Variants in AFF2 observed in about 807,000 individuals in gnomAD.
AFF2 encodes the protein ALF transcription elongation factor 2.
In AFF2, 14 loss-of-function variants were observed where a neutral mutation model predicts 76.9. That is an observed-to-expected ratio of 0.18 (90% CI 0.12 to 0.28). The LOEUF (loss-of-function observed/expected upper bound fraction) is 0.28. Among genes scored for constraint, AFF2 ranks in the 10% least tolerant of loss-of-function variants. AFF2 has a pLI of 1.00. For synonymous variants in AFF2, 398 were observed against 366.7 expected (o/e 1.09, Z -0.98); for missense variants, 868 against 1,001.1 (o/e 0.87, Z 1.79).
intron 4 of AFF2, among the ~76,000 whole-genome samples, chrX:148,818,492 C>G (rs1346618400): frequency 2.7e-5 from 3 of 111,927 alleles, no homozygotes; most frequent in African/African-American, 9.7e-5. Flanking sequence ...TGTGTTCTCC[C>G]TAAGTTAATC....
intron 19 of AFF2, among the ~76,000 whole-genome samples, chrX:148,984,349 C>T (rs1031548814): frequency 1.8e-5 from 2 of 110,854 alleles, no homozygotes; most frequent in Middle Eastern, 4.2e-3. Flanking sequence ...CTTCTGTGTG[C>T]ATGCTCATTT....
chrX:148,937,968 T>C (rs782632039), intron 9 of AFF2, among the ~76,000 whole-genome samples: 34 of 112,485 alleles, frequency 3.0e-4, no homozygotes, highest in African/African-American at 1.0e-3. Context: ...AGCCAAATTA[T>C]AGTCCAAGCA....
chrX:148,788,078 A>G (rs782523147), intron 3 of AFF2, among the ~76,000 whole-genome samples: 1 of 111,780 alleles, frequency 8.9e-6, no homozygotes, highest in Admixed American at 9.5e-5. Flanking sequence ...GTGGATGGCT[A>G]CATTGTCATT....
intron 3 of AFF2, among the ~76,000 whole-genome samples, chrX:148,683,355 C>T (rs1421828162): frequency 3.6e-5 from 4 of 111,844 alleles, no homozygotes; most frequent in Non-Finnish European, 5.6e-5. Context: ...CATATGTGTT[C>T]TTTTCAATTT....
intron 2 of AFF2, 33 bp from the exon 3 acceptor site, chrX:148,661,875 T>A: frequency 8.6e-7 from 1 of 1,157,002 alleles, no homozygotes; most frequent in Non-Finnish European, 1.2e-6. Flanking sequence ...ATTCATTCTC[T>A]CTCCTCCCAC....
intron 1 of AFF2, among the ~76,000 whole-genome samples, chrX:148,545,850 C>T (rs916065425): frequency 1.8e-5 from 2 of 111,177 alleles, no homozygotes; most frequent in East Asian, 2.8e-4. Flanking sequence ...TGAGAATGAG[C>T]GTTTCTAACA....
At chrX:148,938,600 C>T (rs1446069599) in intron 9 of AFF2, among the ~76,000 whole-genome samples, 3 of 112,050 alleles carry the variant, frequency 2.7e-5, no homozygotes, top group African/African-American at 9.7e-5. Context: ...CCTCTTAACA[C>T]AGGATGGCCT....
intron 5 of AFF2, among the ~76,000 whole-genome samples, chrX:148,841,602 G>T (rs2070601265): frequency 8.9e-6 from 1 of 111,915 alleles, no homozygotes; most frequent in African/African-American, 3.2e-5. Flanking sequence ...TATATTAAAT[G>T]ACTGTAGATT....
chrX:148,889,758 G>A (rs955141056), intron 8 of AFF2, among the ~76,000 whole-genome samples: 31 of 111,488 alleles, frequency 2.8e-4, no homozygotes, highest in South Asian at 2.3e-3. Flanking sequence ...ATAGTTACAC[G>A]GACATGGCTT....
In AFF2 at chrX:148,708,727, A is replaced by G. The variant is rs1228374674; in HGVS notation, c.1041+45959A>G. ...AGACTCCGTCTCAAAAACAAAACAA[A>G]ACAAAACAAAATTAGACAAATGCTA... On this transcript the variant is annotated intron_variant, in intron 3 of 20. Coordinates refer to ENST00000370460, the MANE Select transcript of AFF2 (RefSeq NM_002025.4). Among the ~76,000 whole-genome samples the G allele has an allele frequency of 6.2e-5, 7 of 112,467 alleles. No homozygotes were observed. In the Admixed American group the frequency reaches 6.6e-4, roughly 11 times the overall value.
chrX:148,529,439 C>T (rs1341940165), intron 1 of AFF2, among the ~76,000 whole-genome samples: 2 of 112,376 alleles, frequency 1.8e-5, no homozygotes, highest in Non-Finnish European at 3.8e-5. Context: ...AACACAGCTA[C>T]AGCAACTGGC....
At chrX:148,704,272 TTA>T (rs1262204302) in intron 3 of AFF2, among the ~76,000 whole-genome samples, 1 of 79,328 alleles carries the variant, frequency 1.3e-5, no homozygotes, top group African/African-American at 5.2e-5. Context: ...ATATATATAT[TTA>T]TATATATATG....
At chrX:148,562,805 C>T (rs1557240899) in intron 1 of AFF2, among the ~76,000 whole-genome samples, 2 of 111,400 alleles carry the variant, frequency 1.8e-5, no homozygotes. Context: ...AACTGGAGGC[C>T]CTGAACTAGG....
At chrX:148,595,262 A>G (rs2053561769) in intron 1 of AFF2, among the ~76,000 whole-genome samples, 1 of 112,239 alleles carries the variant, frequency 8.9e-6, no homozygotes, top group African/African-American at 3.2e-5. Flanking sequence ...ATCTCAGAGA[A>G]AAATTGACCT....
At chrX:148,832,841 T>A (rs1557273448) in intron 4 of AFF2, among the ~76,000 whole-genome samples, 1 of 111,690 alleles carries the variant, frequency 9.0e-6, no homozygotes, top group Admixed American at 9.5e-5. Flanking sequence ...AGAGCTAGGC[T>A]TGAGTTAAGT....
At chrX:148,969,369 G>A (rs1391275779) in intron 15 of AFF2, among the ~76,000 whole-genome samples, 3 of 112,410 alleles carry the variant, frequency 2.7e-5, no homozygotes, top group African/African-American at 9.7e-5. Flanking sequence ...TATATTTCTT[G>A]TATTAAAATT....
chrX:148,694,175 C>CGGGGGGGGGGGGGGGTGGGGG (rs67194871), intron 3 of AFF2, among the ~76,000 whole-genome samples: 1 of 72,851 alleles, frequency 1.4e-5, no homozygotes, highest in African/African-American at 5.7e-5. Flanking sequence ...GTTGTGGGGT[C>CGGGGGGGGGGGGGGGTGGGGG]GGGGGGGGGG....
intron 9 of AFF2, among the ~76,000 whole-genome samples, chrX:148,931,080 C>T (rs2124294160): frequency 9.2e-6 from 1 of 108,564 alleles, no homozygotes; most frequent in African/African-American, 3.4e-5. Flanking sequence ...TGGTGAAACC[C>T]CGTCTCTATT....
chrX:148,893,780 G>A (rs781860188), intron 8 of AFF2, among the ~76,000 whole-genome samples: 1 of 112,087 alleles, frequency 8.9e-6, no homozygotes, highest in South Asian at 3.7e-4. Context: ...ATATGGTTCT[G>A]TAAAGAGTGT....
Sources: allele counts gnomAD v4.1 joint callset (sites outside exome capture counted in the v4.1 genomes callset), GRCh38; gene constraint gnomAD v4.1.1; transcripts MANE v1.5; gene names NCBI Gene and HGNC (gene_info 2026-07-23, HGNC 2026-07-21).